TP73: variants seen among roughly 807,000 people sequenced by gnomAD.
TP73 encodes the protein p53-like transcription factor.
In TP73, 25 loss-of-function variants were observed where a neutral mutation model predicts 62.5. The ratio of observed to expected loss-of-function variants is 0.40; its 90% CI spans 0.29 to 0.56. TP73 has a LOEUF of 0.56. Among genes scored for constraint, TP73 ranks in the 20% least tolerant of loss-of-function variants. TP73 has a pLI of 0.46. For synonymous variants in TP73, 423 were observed against 377.5 expected (o/e 1.12, Z -1.40); for missense variants, 754 against 913.3 (o/e 0.83, Z 2.25).
rs9662633 is a variant in TP73, at chr1:3,732,998, G to A, written c.1830G>A (p.Ala610=). 0.049 allele frequency: 77,755 copies of A among 1,579,402 alleles called. 3,138 individuals are homozygous for A. Among genetic ancestry groups the A allele is most frequent in the East Asian group, 0.17 (7,262 of 42,832 alleles). Residue 610 remains alanine (A), a synonymous_variant, in exon 14 of 14, where the codon GCG becomes GCA. Coordinates refer to ENST00000378295, the MANE Select transcript of TP73 (RefSeq NM_005427.4). ...CAGGCGGCGGCCCTGACGAGTGGGCGGACTTCGGCTTCGACCTGCCCGACT... is the reference window on the plus strand; with the variant it reads ...CAGGCGGCGGCCCTGACGAGTGGGCAGACTTCGGCTTCGACCTGCCCGACT... ...GGPGGGPDEW[A]DFGFDLPDCK...
At chr1:3,690,589 C>T (rs1464251591) in intron 3 of TP73, 19 of 1,247,774 alleles carry the variant, frequency 1.5e-5, no homozygotes, top group Non-Finnish European at 1.9e-5. Context: ...CGGTCCAACA[C>T]ATCACCGGGC....
chr1:3,722,074 C>A lies in TP73; in HGVS notation c.483C>A (p.Ile161=). Residue 161 remains isoleucine, a synonymous_variant, in exon 5 of 14, where the codon ATC becomes ATA. Transcript: ENST00000378295. ...LYCQIAKTCP[I]QIKVSTPPPP... Reference sequence around the variant, plus strand: ...GCCAGATCGCCAAGACATGCCCCATCCAGATCAAGGTGTCCACCCCGCCAC... The same window carrying A: ...GCCAGATCGCCAAGACATGCCCCATACAGATCAAGGTGTCCACCCCGCCAC... The A allele has an allele frequency of 6.2e-7, 1 of 1,612,968 alleles. No homozygotes were observed.
At chr1:3,697,978 T>C (rs1570495666) in intron 3 of TP73, 2 of 617,872 alleles carry the variant, frequency 3.2e-6, no homozygotes, top group South Asian at 7.1e-5. Context: ...TCCCCCTCCC[T>C]GTACCCTGCA....
chr1:3,709,826 T>C (rs1639982564), intron 4 of TP73, among the ~76,000 whole-genome samples: 1 of 152,222 alleles, frequency 6.6e-6, no homozygotes, highest in Admixed American at 6.5e-5. Flanking sequence ...CTGCCTCCCT[T>C]CCTCCCATGG....
chr1:3,692,194 C>T (rs1038701073), intron 3 of TP73, among the ~76,000 whole-genome samples: 5 of 151,940 alleles, frequency 3.3e-5, no homozygotes, highest in African/African-American at 1.2e-4. Flanking sequence ...CACGTGTGTC[C>T]GTATGTGTGT....
Position 3,733,020 on chromosome 1 carries a change from G to A in TP73, c.1852G>A (p.Asp618Asn), listed in dbSNP as rs1642259777. Residue 618 changes from aspartate to asparagine, a missense_variant, in exon 14 of 14, where the codon GAC becomes AAC. Transcript: ENST00000378295. ...EWADFGFDLP[D>N]CKARKQPIKE... ...GGCGGACTTCGGCTTCGACCTGCCC[G>A]ACTGCAAGGCCCGCAAGCAGCCCAT... is the stretch of plus-strand genomic sequence containing the variant. The A allele has an allele frequency of 2.6e-6, 4 of 1,556,132 alleles. No homozygotes were observed. Among genetic ancestry groups the A allele is most frequent in the Non-Finnish European group, 3.5e-6 (4 of 1,155,212 alleles).
chr1:3,690,602 G>A, intron 3 of TP73: 1 of 1,275,388 alleles, frequency 7.8e-7, no homozygotes, highest in Non-Finnish European at 1.0e-6. Context: ...CACCGGGCAA[G>A]CTGAGGCCTG....
chr1:3,686,486 C>T (rs1645659824), intron 3 of TP73, among the ~76,000 whole-genome samples: 1 of 152,206 alleles, frequency 6.6e-6, no homozygotes, highest in African/African-American at 2.4e-5. Flanking sequence ...ATGCCAGGTG[C>T]TGGGTGCTGG....
At chr1:3,723,127 G>A (rs747662970) in intron 5 of TP73, among the ~76,000 whole-genome samples, 6 of 143,438 alleles carry the variant, frequency 4.2e-5, no homozygotes, top group South Asian at 2.3e-4. Context: ...TTTGCAGGTG[G>A]CACAGAGCTG....
intron 7 of TP73, 184 bp from the exon 8 acceptor site, chr1:3,727,444 G>A: frequency 9.9e-7 from 1 of 1,014,826 alleles, no homozygotes; most frequent in South Asian, 1.6e-5. Flanking sequence ...AGGTCTCAGG[G>A]CAGCCTCACA....
At chr1:3,724,414 C>T (rs751208129) in intron 6 of TP73, among the ~76,000 whole-genome samples, 53 of 151,894 alleles carry the variant, frequency 3.5e-4, no homozygotes, top group Non-Finnish European at 1.0e-4. Flanking sequence ...TGTACCCAGT[C>T]TCCAGGTCCT....
intron 13 of TP73, among the ~76,000 whole-genome samples, chr1:3,732,237 G>C (rs377660026): frequency 6.6e-6 from 1 of 152,238 alleles, no homozygotes; most frequent in African/African-American, 2.4e-5. Context: ...GGGTCAGTGC[G>C]AGCTAGGGCC....
rs1642437094 is a variant in TP73, at chr1:3,736,008, T to C, written c.*2929T>C. ...GTTACCAGTTAAAGCACTTTAATGC[T>C]TTAAGGTGAAAACGAAATCCCATCC... On this transcript the variant is annotated 3_prime_UTR_variant, in exon 14 of 14. Transcript: ENST00000378295. 1 of 152,242 alleles carries C rather than the reference T, an allele frequency of 6.6e-6. No homozygotes were observed. The highest frequency in any genetic ancestry group is 1.5e-5 in the Non-Finnish European group (1 of 68,054). 9.4% of individuals were successfully genotyped at this position (152,242 alleles called of 1,614,324 possible).
At chr1:3,690,040 G>A (rs1371277750) in intron 3 of TP73, among the ~76,000 whole-genome samples, 4 of 152,204 alleles carry the variant, frequency 2.6e-5, no homozygotes, top group East Asian at 1.9e-4. Context: ...GGCCGTCCAC[G>A]CCTGCAGGGG....
At chr1:3,728,356 C>T in intron 9 of TP73, 139 bp downstream of exon 9, 1 of 824,562 alleles carries the variant, frequency 1.2e-6, no homozygotes, top group East Asian at 2.7e-5. Context: ...GTGAGAGGGT[C>T]CAGAGGGCAG....
chr1:3,728,792 T>C (rs559272348), intron 9 of TP73, among the ~76,000 whole-genome samples: 1 of 152,212 alleles, frequency 6.6e-6, no homozygotes, highest in South Asian at 2.1e-4. Context: ...GTGGGCAACA[T>C]GGTGAGAACC....
chr1:3,678,337 C>CT (rs1645421189), intron 1 of TP73, among the ~76,000 whole-genome samples: 1 of 152,272 alleles, frequency 6.6e-6, no homozygotes, highest in South Asian at 2.1e-4. Context: ...AGGGCACATA[C>CT]TCCCCCTGCC....
chr1:3,716,487 C>T (rs1438562305), intron 4 of TP73, among the ~76,000 whole-genome samples: 3 of 152,192 alleles, frequency 2.0e-5, no homozygotes, highest in African/African-American at 4.8e-5. Flanking sequence ...GAAACAGGGG[C>T]GATTGCCACA....
At chr1:3,729,200 TG>T in intron 9 of TP73, 126 bp from the exon 10 acceptor site, 1 of 1,327,904 alleles carries the variant, frequency 7.5e-7, no homozygotes, top group African/African-American at 1.5e-5. Flanking sequence ...CCTGAGCCTC[TG>T]GGGTGCTGGG....
Sources: allele counts gnomAD v4.1 joint callset (sites outside exome capture counted in the v4.1 genomes callset), GRCh38; gene constraint gnomAD v4.1.1; transcripts MANE v1.5; gene names NCBI Gene and HGNC (gene_info 2026-07-23, HGNC 2026-07-21).